Variants in LMTK3 observed in about 807,000 individuals in gnomAD.
LMTK3 encodes serine/threonine-protein kinase LMTK3.
Under a neutral mutation model 116.7 loss-of-function variants are expected in LMTK3, and 27 were observed. The observed-to-expected ratio is 0.23, with a 90% confidence interval of 0.17 to 0.32. LMTK3 has a LOEUF of 0.32. LMTK3 is among the 10% of genes least tolerant of loss of function. The probability of loss-of-function intolerance (pLI) is 1.00; values close to 1 mark genes in which losing one functional copy is unlikely to be tolerated. For missense variants in LMTK3, 1,764 were observed against 2,068.5 expected (o/e 0.85, Z 2.86); for synonymous variants, 965 against 971.0 (o/e 0.99, Z 0.11).
Position 48,510,223 on chromosome 19 carries a change from C to A in LMTK3, c.211-50G>T, listed in dbSNP as rs75441303. The A allele has an allele frequency of 9.3e-4, 1,459 of 1,575,736 alleles. 18 individuals carry two copies. In the African/African-American group the frequency reaches 0.017, roughly 19 times the overall value. ...GGTGGGAGAACGCAGGGCTGAGAGA[C>A]ACGCCATCGTCTTTCTCTTAAGTTT... On this transcript the variant is annotated intron_variant, in intron 2 of 14. Coordinates refer to ENST00000600059, the MANE Select transcript of LMTK3 (RefSeq NM_001388485.1).
intron 5 of LMTK3, 108 bp from the exon 6 acceptor site, chr19:48,503,104 TG>T (rs779160867): frequency 1.5e-6 from 1 of 675,222 alleles, no homozygotes; most frequent in Non-Finnish European, 2.6e-6. Flanking sequence ...TTGTTGTTTT[TG>T]TTTGTTTGTT....
chr19:48,489,499 G>C (rs1972183708), intron 14 of LMTK3, among the ~76,000 whole-genome samples: 1 of 150,664 alleles, frequency 6.6e-6, no homozygotes, highest in Non-Finnish European at 1.5e-5. Flanking sequence ...CTTGAACCCG[G>C]GAGGTGGAGG....
chr19:48,504,534 T>C (rs934373569), intron 5 of LMTK3, among the ~76,000 whole-genome samples: 1 of 152,130 alleles, frequency 6.6e-6, no homozygotes, highest in Non-Finnish European at 1.5e-5. Flanking sequence ...CAACATATTA[T>C]TTGATTTTAT....
chr19:48,488,195 AC>A (rs1482115039), intron 14 of LMTK3, among the ~76,000 whole-genome samples: 2 of 151,808 alleles, frequency 1.3e-5, no homozygotes, highest in African/African-American at 4.8e-5. Flanking sequence ...CCTGGAATGC[AC>A]CCCCACCCTG....
Position 48,491,570 on chromosome 19 carries a change from G to A in LMTK3, c.4093-31C>T. On this transcript the variant is annotated intron_variant, in intron 12 of 14. Coordinates refer to ENST00000600059, the MANE Select transcript of LMTK3 (RefSeq NM_001388485.1). The surrounding 1 kb of genome is among the most constrained non-coding windows in gnomAD (Gnocchi z 5.1). The stretch of plus-strand genomic sequence containing the variant: ...AAGGCAGATTAGGGGGAAGCCAGAG[G>A]GGACAAACCTTCACGTCCCATTTAC... 7.5e-7 allele frequency: 1 copy of A among 1,324,836 alleles called. No homozygotes were observed. The highest frequency in any genetic ancestry group is 9.7e-7 in the Non-Finnish European group (1 of 1,029,048). 82.1% of individuals were successfully genotyped at this position (1,324,836 alleles called of 1,614,324 possible).
intron 2 of LMTK3, 138 bp downstream of exon 2, chr19:48,510,321 C>T: frequency 7.1e-7 from 1 of 1,415,696 alleles, no homozygotes; most frequent in Non-Finnish European, 9.5e-7. Flanking sequence ...CATCCCAAGG[C>T]TCCAGATCTT....
chr19:48,486,551 G>GTTTTA (rs60244343), intron 14 of LMTK3, among the ~76,000 whole-genome samples: 14,839 of 151,740 alleles, frequency 0.098, 1,212 homozygotes, highest in African/African-American at 0.22. Context: ...TTGCTGCTTT[G>GTTTTA]TTTTGAGATG....
At chr19:48,509,261 G>A (rs1972618494) in intron 4 of LMTK3, among the ~76,000 whole-genome samples, 176 bp downstream of exon 4, 1 of 152,088 alleles carries the variant, frequency 6.6e-6, no homozygotes, top group African/African-American at 2.4e-5. Context: ...GACAGATGTC[G>A]GGGATGGGGC....
At chr19:48,506,235 G>A (rs1268843157) in intron 5 of LMTK3, among the ~76,000 whole-genome samples, 1 of 151,166 alleles carries the variant, frequency 6.6e-6, no homozygotes, top group Non-Finnish European at 1.5e-5. Context: ...GAGCCCAGGA[G>A]CTCAAGGCTG....
At chr19:48,509,081 C>T in intron 4 of LMTK3, 112 bp from the exon 5 acceptor site, 1 of 680,466 alleles carries the variant, frequency 1.5e-6, no homozygotes, top group Non-Finnish European at 2.5e-6. Context: ...CCCAGCTTCT[C>T]CCTCCACATC....
chr19:48,494,806 C>T lies in LMTK3; in HGVS notation c.3677-697G>A, dbSNP rs1292312482. Among the ~76,000 whole-genome samples, 1 of 152,172 alleles carries T rather than the reference C, an allele frequency of 6.6e-6. No individual in the cohort carries two copies. Among genetic ancestry groups the T allele is most frequent in the Non-Finnish European group, 1.5e-5 (1 of 68,028 alleles). ...GGTCCCTCTCAGGTCCTCGTTCTCT[C>T]TACTCAAGTTTTACTACCTTTTGCT... On this transcript the variant is annotated intron_variant, in intron 11 of 14. Coordinates refer to ENST00000600059, the MANE Select transcript of LMTK3 (RefSeq NM_001388485.1). The surrounding 1 kb of genome is among the most constrained non-coding windows in gnomAD (Gnocchi z 4.0).
In LMTK3 at chr19:48,500,918, T is replaced by C; in HGVS notation, c.1151+78A>G. 2 of 1,382,184 alleles carry C rather than the reference T, an allele frequency of 1.4e-6. No homozygotes were observed. The highest frequency in any genetic ancestry group is 1.9e-6 in the Non-Finnish European group (2 of 1,042,032). The allele number at this position is 1,382,184 out of a possible 1,614,324, so 85.6% of individuals were successfully genotyped here. On this transcript the variant is annotated intron_variant, in intron 10 of 14. Coordinates refer to ENST00000600059, the MANE Select transcript of LMTK3 (RefSeq NM_001388485.1). This position sits in a 1 kb window ranked among gnomAD's most constrained non-coding sequence, Gnocchi z 4.0. ...GAGGGCAAACGGGATGTGGGTGATG[T>C]GGGAAACGAGGGGGGATGCTGGGAC...
In LMTK3 at chr19:48,500,962, G is replaced by A. The variant is rs1179579055; in HGVS notation, c.1151+34C>T. ...CTGGGACCATCCTGGGTGGGGTGCG[G>A]CAGGCCAGGAGCCCCGGGTGGGCTA... is the stretch of plus-strand genomic sequence containing the variant. On this transcript the variant is annotated intron_variant, in intron 10 of 14. Coordinates refer to ENST00000600059, the MANE Select transcript of LMTK3 (RefSeq NM_001388485.1). The surrounding 1 kb of genome is among the most constrained non-coding windows in gnomAD (Gnocchi z 4.0). 2.0e-6 allele frequency: 3 copies of A among 1,470,214 alleles called. No homozygotes were observed. Among genetic ancestry groups the A allele is most frequent in the Admixed American group, 2.7e-5 (1 of 36,946 alleles). The allele number at this position is 1,470,214 out of a possible 1,614,324, so 91.1% of individuals were successfully genotyped here. A position where few individuals can be genotyped will look rare whatever the true frequency, so the allele number is the denominator to read the frequency against.
intron 1 of LMTK3, among the ~76,000 whole-genome samples, chr19:48,511,220 C>T (rs1307247989): frequency 6.6e-6 from 1 of 152,240 alleles, no homozygotes; most frequent in Non-Finnish European, 1.5e-5. Flanking sequence ...CTCCCAGAGG[C>T]CCTGTCCTTC....
At chr19:48,510,275 T>A in intron 2 of LMTK3, 102 bp from the exon 3 acceptor site, 4 of 1,441,396 alleles carry the variant, frequency 2.8e-6, no homozygotes, top group Non-Finnish European at 3.8e-6. Flanking sequence ...TGTAACTGTC[T>A]CCCAGTCCCA....
chr19:48,489,471 G>T (rs933317805), intron 14 of LMTK3, among the ~76,000 whole-genome samples: 95 of 152,156 alleles, frequency 6.2e-4, no homozygotes, highest in African/African-American at 2.3e-3. Flanking sequence ...TACTCAGGAG[G>T]CTGAGGCAGG....
chr19:48,497,583 C>CTGG lies in LMTK3; in HGVS notation c.3485_3486insCCA (p.Glu1162delinsAspGln). ...CCGGCCTGGCTCTCGGGGGCGCTGGCTCCAGCCTCCTCGGCTGTGCCTCCG... is the reference window on the plus strand; with the variant it reads ...CCGGCCTGGCTCTCGGGGGCGCTGGCTGGTCCAGCCTCCTCGGCTGTGCCTCCG... On this transcript the variant is annotated protein_altering_variant, in exon 11 of 15. Coordinates refer to ENST00000600059, the MANE Select transcript of LMTK3 (RefSeq NM_001388485.1). This position sits in a 1 kb window ranked among gnomAD's most constrained non-coding sequence, Gnocchi z 5.7. 1 of 1,336,776 alleles carries CTGG rather than the reference C, an allele frequency of 7.5e-7. No individual in the cohort carries two copies. Among genetic ancestry groups the CTGG allele is most frequent in the East Asian group, 3.0e-5 (1 of 33,770 alleles). 82.8% of individuals were successfully genotyped at this position (1,336,776 alleles called of 1,614,324 possible). A position where few individuals can be genotyped will look rare whatever the true frequency, so the allele number is the denominator to read the frequency against.
Position 48,502,348 on chromosome 19 carries a change from C to T in LMTK3, c.794+85G>A. 3 of 1,391,862 alleles carry T rather than the reference C, an allele frequency of 2.2e-6. No homozygotes were observed. The South Asian group carries it at 4.0e-5, about 18-fold the overall frequency. The allele number at this position is 1,391,862 out of a possible 1,614,324, so 86.2% of individuals were successfully genotyped here. A position where few individuals can be genotyped will look rare whatever the true frequency, so the allele number is the denominator to read the frequency against. The stretch of plus-strand genomic sequence containing the variant: ...TTTGTGTCAGCCAGTCATGGGTCCG[C>T]CCCCCCTCTAGCCCCTCCCCTGAGG... On this transcript the variant is annotated intron_variant, in intron 7 of 14. Transcript: ENST00000600059.
At chr19:48,486,300 C>A in intron 14 of LMTK3, among the ~76,000 whole-genome samples, 1 of 150,738 alleles carries the variant, frequency 6.6e-6, no homozygotes, top group Non-Finnish European at 1.5e-5. Context: ...ACCTCGTGAT[C>A]CACCCGCCTC....
Sources: gnomAD v4.1 joint callset for allele counts (sites outside exome capture counted in the v4.1 genomes callset) on GRCh38, gnomAD v4.1.1 for gene constraint, Gnocchi (gnomAD v3.1) non-coding constraint, MANE v1.5 for transcripts, NCBI Gene and HGNC (gene_info 2026-07-23, HGNC 2026-07-21) for gene names.